ATP6V1C2: variants seen among roughly 807,000 people sequenced by gnomAD.
ATP6V1C2 encodes the protein ATPase H+ transporting V1 subunit C2.
A neutral mutation model predicts 56.8 loss-of-function variants in ATP6V1C2; 45 were observed. The observed-to-expected ratio is 0.79, with a 90% CI of 0.62 to 1.02. The LOEUF (loss-of-function observed/expected upper bound fraction) is 1.02, where lower values mean the gene tolerates loss of function less well. Among genes scored for constraint, ATP6V1C2 ranks in the 50% least tolerant of loss-of-function variants. The probability of loss-of-function intolerance (pLI) is 0.00; values close to 1 mark genes in which losing one functional copy is unlikely to be tolerated. For missense variants in ATP6V1C2, 463 were observed against 519.7 expected (o/e 0.89, Z 1.06); for synonymous variants, 220 against 201.3 (o/e 1.09, Z -0.79).
chr2:10,740,876 G>A (rs12991376), intron 3 of ATP6V1C2, among the ~76,000 whole-genome samples: 148,131 of 152,158 alleles, frequency 0.97, 72,226 homozygotes, highest in Non-Finnish European at 1. Context: ...TAGTAGAGAC[G>A]GGGTTTCACC....
At chr2:10,764,985 A>C (rs1239233140) in intron 5 of ATP6V1C2, among the ~76,000 whole-genome samples, 3 of 152,078 alleles carry the variant, frequency 2.0e-5, no homozygotes, top group Non-Finnish European at 4.4e-5. Context: ...CCAAAAAAAA[A>C]AAAAGTTACT....
intron 3 of ATP6V1C2, among the ~76,000 whole-genome samples, chr2:10,744,678 T>A (rs1381350229): frequency 1.3e-5 from 2 of 148,978 alleles, no homozygotes; most frequent in Admixed American, 1.3e-4. Context: ...TCTTTTTTTT[T>A]TTTTTTTTTG....
chr2:10,750,033 G>C (rs1239548710), intron 3 of ATP6V1C2, among the ~76,000 whole-genome samples: 1 of 152,156 alleles, frequency 6.6e-6, no homozygotes, highest in Admixed American at 6.6e-5. Flanking sequence ...CTTTCAATGA[G>C]AAAAATTTTC....
intron 3 of ATP6V1C2, among the ~76,000 whole-genome samples, chr2:10,735,100 T>C (rs1248763065): frequency 4.6e-5 from 7 of 152,248 alleles, no homozygotes; most frequent in African/African-American, 1.7e-4. Context: ...AAGAAAAAAA[T>C]ATATATTTTG....
intron 6 of ATP6V1C2, among the ~76,000 whole-genome samples, chr2:10,770,255 G>T (rs564477065): frequency 6.6e-6 from 1 of 152,032 alleles, no homozygotes; most frequent in African/African-American, 2.4e-5. Flanking sequence ...AAAATTAGCC[G>T]TGCGTCATGG....
At chr2:10,722,678 G>C in intron 1 of ATP6V1C2, 146 bp from the exon 2 acceptor site, 2 of 847,444 alleles carry the variant, frequency 2.4e-6, no homozygotes, top group East Asian at 5.4e-5. Flanking sequence ...CCCAGGTGGA[G>C]ATAAGAGCTT....
chr2:10,735,479 A>AT (rs1404733846), intron 3 of ATP6V1C2, among the ~76,000 whole-genome samples: 4 of 151,954 alleles, frequency 2.6e-5, no homozygotes, highest in South Asian at 2.1e-4. Flanking sequence ...AGCCTTAGAC[A>AT]TTTTTTAATT....
intron 1 of ATP6V1C2, among the ~76,000 whole-genome samples, chr2:10,722,474 A>C (rs1175315804): frequency 6.6e-6 from 1 of 152,146 alleles, no homozygotes; most frequent in South Asian, 2.1e-4. Flanking sequence ...GCAGTGTGGA[A>C]GGAAGACAAA....
chr2:10,774,161 C>G (rs2148504937), intron 8 of ATP6V1C2, among the ~76,000 whole-genome samples: 1 of 152,358 alleles, frequency 6.6e-6, no homozygotes, highest in Middle Eastern at 3.4e-3. Context: ...GGCGGCAGCC[C>G]CTATGGGCAT....
chr2:10,754,102 T>TC, intron 4 of ATP6V1C2, 36 bp downstream of exon 4: 2 of 1,536,982 alleles, frequency 1.3e-6, no homozygotes, highest in African/African-American at 1.4e-5. Flanking sequence ...GAGCACAATC[T>TC]CCCCGCTCCC....
intron 3 of ATP6V1C2, among the ~76,000 whole-genome samples, chr2:10,737,669 A>G (rs1181878331): frequency 6.6e-6 from 1 of 152,108 alleles, no homozygotes; most frequent in Admixed American, 6.6e-5. Flanking sequence ...CCCTTACGGG[A>G]TACAGAAAGG....
intron 3 of ATP6V1C2, among the ~76,000 whole-genome samples, chr2:10,735,603 T>G (rs1188978815): frequency 1.3e-5 from 2 of 151,562 alleles, no homozygotes; most frequent in African/African-American, 4.9e-5. Flanking sequence ...TTTTTTTCTC[T>G]CTTTTTTTGA....
At chr2:10,775,801 G>C (rs909702394) in intron 10 of ATP6V1C2, among the ~76,000 whole-genome samples, 2 of 152,180 alleles carry the variant, frequency 1.3e-5, no homozygotes, top group African/African-American at 2.4e-5. Flanking sequence ...GAGCCTGTCT[G>C]GGTGGAATGT....
chr2:10,767,999 ATT>A (rs138835554), intron 5 of ATP6V1C2: 1 of 152,072 alleles, frequency 6.6e-6, no homozygotes, highest in Non-Finnish European at 1.5e-5. Context: ...TGGAGCACCC[ATT>A]TTCTTCATCT....
intron 3 of ATP6V1C2, among the ~76,000 whole-genome samples, chr2:10,748,668 A>G (rs1391736800): frequency 6.6e-6 from 1 of 152,180 alleles, no homozygotes; most frequent in Non-Finnish European, 1.5e-5. Flanking sequence ...TTTACTTTAG[A>G]CAAACATGGA....
chr2:10,745,041 C>CTTTTTTTTTTTTTTTTTT (rs5829274), intron 3 of ATP6V1C2, among the ~76,000 whole-genome samples: 4 of 113,314 alleles, frequency 3.5e-5, no homozygotes, highest in Non-Finnish European at 6.8e-5. Context: ...TATTTATTTT[C>CTTTTTTTTTTTTTTTTTT]TTTTTTTTTT....
rs989157137 is a variant in ATP6V1C2, at chr2:10,744,332, A to T, written c.198-9649A>T. 2.7e-4 allele frequency: 41 copies of T among 152,198 alleles called. 1 individual carries two copies. The highest frequency in any genetic ancestry group is 9.4e-4 in the African/African-American group (39 of 41,446). The allele number at this position is 152,198 out of a possible 1,614,324, so 9.4% of individuals were successfully genotyped here. Reference sequence around the variant, plus strand: ...AACACCTCATCTCAGCAGTGCGTTGATGCTCCTGTTTCCCCAAGGACTGCC... The same window carrying T: ...AACACCTCATCTCAGCAGTGCGTTGTTGCTCCTGTTTCCCCAAGGACTGCC... On this transcript the variant is annotated intron_variant, in intron 3 of 13. Coordinates refer to ENST00000272238, the MANE Select transcript of ATP6V1C2 (RefSeq NM_001039362.2).
chr2:10,737,245 T>C (rs1214145781), intron 3 of ATP6V1C2, among the ~76,000 whole-genome samples: 2 of 105,288 alleles, frequency 1.9e-5, no homozygotes, highest in Non-Finnish European at 3.8e-5. Context: ...CAAAACCCCA[T>C]CTCTACTAAA....
At chr2:10,773,840 C>A (rs945288036) in intron 8 of ATP6V1C2, among the ~76,000 whole-genome samples, 1 of 152,178 alleles carries the variant, frequency 6.6e-6, no homozygotes. Context: ...TGCTGGGGGA[C>A]GGGGATCTCC....
Sources: gnomAD v4.1 joint callset for allele counts (sites outside exome capture counted in the v4.1 genomes callset) on GRCh38, gnomAD v4.1.1 for gene constraint, MANE v1.5 for transcripts, NCBI Gene and HGNC (gene_info 2026-07-23, HGNC 2026-07-21) for gene names.